Variants in SDHAF3 observed in about 807,000 individuals in gnomAD.
SDHAF3 encodes succinate dehydrogenase assembly factor 3, mitochondrial.
Under a neutral mutation model 11.5 loss-of-function variants are expected in SDHAF3, and 18 were observed. That is an observed-to-expected ratio of 1.56 (90% confidence interval 1.08 to 2.32). The LOEUF (loss-of-function observed/expected upper bound fraction) is 2.32. SDHAF3 is among the 30% of genes most tolerant of loss of function. The pLI, the probability that SDHAF3 is intolerant of heterozygous loss-of-function variation, is 0.00. For missense variants in SDHAF3, 200 were observed against 154.4 expected (o/e 1.30, Z -1.57); for synonymous variants, 72 against 59.3 (o/e 1.21, Z -0.99).
Position 97,119,376 on chromosome 7 carries a change from AGG to A in SDHAF3, c.174+1480_174+1481del, listed in dbSNP as rs1399976552. 3.3e-5 allele frequency among the ~76,000 whole-genome samples: 5 copies of A among 152,176 alleles called. No homozygotes were observed. In the South Asian group the frequency reaches 8.3e-4, roughly 25 times the overall value. On this transcript the variant is annotated intron_variant, in intron 1 of 1. Coordinates refer to ENST00000432641, the MANE Select transcript of SDHAF3 (RefSeq NM_020186.3). Reference sequence around the variant, plus strand: ...TCAGAAAAAATTGATAATAGGTTGTAGGAGAGAGAGAGGGTATAAAAAAGAAC... The same window carrying A: ...TCAGAAAAAATTGATAATAGGTTGTAAGAGAGAGAGGGTATAAAAAAGAAC...
chr7:97,153,455 G>C (rs1029509400), intron 1 of SDHAF3, among the ~76,000 whole-genome samples: 33 of 152,164 alleles, frequency 2.2e-4, no homozygotes, highest in African/African-American at 7.7e-4. Context: ...ACCTACTGAA[G>C]GATATCCTGG....
intron 1 of SDHAF3, among the ~76,000 whole-genome samples, chr7:97,131,843 T>G (rs1206079536): frequency 6.6e-6 from 1 of 152,178 alleles, no homozygotes; most frequent in Non-Finnish European, 1.5e-5. Flanking sequence ...GTTGCATATC[T>G]ATAGTAAAGT....
intron 1 of SDHAF3, among the ~76,000 whole-genome samples, chr7:97,125,174 A>G (rs1314028977): frequency 6.6e-6 from 1 of 152,084 alleles, no homozygotes; most frequent in African/African-American, 2.4e-5. Flanking sequence ...ATCTTTTCAA[A>G]AAAACGGCTC....
chr7:97,121,137 A>T (rs2115610829), intron 1 of SDHAF3, among the ~76,000 whole-genome samples: 1 of 152,330 alleles, frequency 6.6e-6, no homozygotes, highest in East Asian at 1.9e-4. Context: ...AACTCTTAGG[A>T]GGTAACTATT....
chr7:97,167,582 A>T (rs1789530242), intron 1 of SDHAF3, among the ~76,000 whole-genome samples: 2 of 152,228 alleles, frequency 1.3e-5, no homozygotes, highest in South Asian at 2.1e-4. Flanking sequence ...TCGGCTGTAC[A>T]GGAGATTAGT....
rs796470315 is a variant in SDHAF3, at chr7:97,122,505, G to GT, written c.174+4622dup. On this transcript the variant is annotated intron_variant, in intron 1 of 1. Coordinates refer to ENST00000432641, the MANE Select transcript of SDHAF3 (RefSeq NM_020186.3). Reference sequence around the variant, plus strand: ...AAAATGGAGGATATAGATTTATGAGGTTTTTTTTTTTTTTCTTTTAAAGTA... The same window carrying GT: ...AAAATGGAGGATATAGATTTATGAGGTTTTTTTTTTTTTTTCTTTTAAAGTA... Among the ~76,000 whole-genome samples, 1,002 of 143,312 alleles carry GT rather than the reference G, an allele frequency of 7.0e-3. 5 individuals are homozygous for GT. The highest frequency in any genetic ancestry group is 0.015 in the African/African-American group (585 of 39,268). The allele number at this position is 143,312 out of a possible 152,430, so 94.0% of individuals were successfully genotyped here. A position where few individuals can be genotyped will look rare whatever the true frequency, so the allele number is the denominator to read the frequency against.
At chr7:97,119,480 T>C (rs1352360669) in intron 1 of SDHAF3, among the ~76,000 whole-genome samples, 1 of 152,142 alleles carries the variant, frequency 6.6e-6, no homozygotes, top group Non-Finnish European at 1.5e-5. Context: ...TTGGAATAAT[T>C]TTAGACATAC....
At chr7:97,120,317 C>T (rs1049677968) in intron 1 of SDHAF3, among the ~76,000 whole-genome samples, 1 of 152,104 alleles carries the variant, frequency 6.6e-6, no homozygotes, top group Non-Finnish European at 1.5e-5. Flanking sequence ...GCAGCTTAAT[C>T]TAAGCCTGGG....
intron 1 of SDHAF3, among the ~76,000 whole-genome samples, chr7:97,151,562 A>G (rs1157558353): frequency 6.7e-6 from 1 of 149,744 alleles, no homozygotes; most frequent in African/African-American, 2.5e-5. Context: ...GCAGTGGCAC[A>G]ATCTCCGCTC....
chr7:97,154,725 C>G lies in SDHAF3; in HGVS notation c.175-26287C>G, dbSNP rs149694922. On this transcript the variant is annotated intron_variant, in intron 1 of 1. Transcript: ENST00000432641. Reference sequence around the variant, plus strand: ...TACTTCTAGGTCCTGAAGATTTGCTCCTGTTTTGTTTTTTGTTTTTATTTT... The same window carrying G: ...TACTTCTAGGTCCTGAAGATTTGCTGCTGTTTTGTTTTTTGTTTTTATTTT... 1.2e-3 allele frequency among the ~76,000 whole-genome samples: 187 copies of G among 151,948 alleles called. 1 individual carries two copies. Among genetic ancestry groups the G allele is most frequent in the Admixed American group, 3.2e-3 (49 of 15,270 alleles).
At chr7:97,151,567 C>T (rs1249901329) in intron 1 of SDHAF3, among the ~76,000 whole-genome samples, 2 of 150,188 alleles carry the variant, frequency 1.3e-5, no homozygotes, top group African/African-American at 4.9e-5. Flanking sequence ...GGCACAATCT[C>T]CGCTCACTGC....
At chr7:97,138,309 G>GC (rs1788963349) in intron 1 of SDHAF3, among the ~76,000 whole-genome samples, 1 of 151,960 alleles carries the variant, frequency 6.6e-6, no homozygotes. Context: ...ACAGGTGCCT[G>GC]CCACCACACC....
At chr7:97,144,710 CTG>C (rs1789108931) in intron 1 of SDHAF3, among the ~76,000 whole-genome samples, 2 of 152,122 alleles carry the variant, frequency 1.3e-5, no homozygotes, top group South Asian at 4.1e-4. Context: ...GTTTTGGTGA[CTG>C]TGGTCTCACA....
At chr7:97,173,487 A>G (rs1353183977) in intron 1 of SDHAF3, among the ~76,000 whole-genome samples, 3 of 151,728 alleles carry the variant, frequency 2.0e-5, no homozygotes, top group African/African-American at 7.3e-5. Flanking sequence ...TTTCTTAGGT[A>G]TTTTAACGTA....
chr7:97,140,923 A>G (rs866341239), intron 1 of SDHAF3, among the ~76,000 whole-genome samples: 2 of 152,266 alleles, frequency 1.3e-5, no homozygotes, highest in South Asian at 4.1e-4. Flanking sequence ...GCCGGGCGGA[A>G]CAGAGCCATA....
intron 1 of SDHAF3, among the ~76,000 whole-genome samples, chr7:97,134,144 T>A (rs10231916): frequency 0.4 from 61,404 of 152,022 alleles, 12,613 homozygotes; most frequent in East Asian, 0.49. Context: ...GCAAACACGT[T>A]ACTGCAAAAA....
At chr7:97,125,059 G>T (rs1173783595) in intron 1 of SDHAF3, among the ~76,000 whole-genome samples, 1 of 152,118 alleles carries the variant, frequency 6.6e-6, no homozygotes, top group Non-Finnish European at 1.5e-5. Flanking sequence ...GGTCATCATT[G>T]TCTAGTGCTG....
At position 97,181,182 on chromosome 7, in the gene SDHAF3, T is replaced by C; in HGVS notation, c.345T>C (p.Phe115=). 1 of 1,613,906 alleles carries C rather than the reference T, an allele frequency of 6.2e-7. No homozygotes were observed. The highest frequency in any genetic ancestry group is 8.5e-7 in the Non-Finnish European group (1 of 1,179,906). ...MQEATKPNRQ[F]SISESMKPKF is the part of the protein sequence containing the mutation. ...AAGCCACAAAACCCAATAGGCAATT[T>C]AGTATTTCTGAGTCTATGAAACCAA... The change falls in exon 2 of 2, where the codon TTT becomes TTC. Residue 115 remains phenylalanine, a synonymous_variant. Transcript: ENST00000432641.
At chr7:97,122,739 A>C (rs182478641) in intron 1 of SDHAF3, among the ~76,000 whole-genome samples, 9 of 152,242 alleles carry the variant, frequency 5.9e-5, no homozygotes, top group Admixed American at 5.2e-4. Flanking sequence ...TGTTGGTCTG[A>C]TACTCAGGAG....
Sources: gnomAD v4.1 joint callset for allele counts (sites outside exome capture counted in the v4.1 genomes callset) on GRCh38, gnomAD v4.1.1 for gene constraint, MANE v1.5 for transcripts, NCBI Gene and HGNC (gene_info 2026-07-23, HGNC 2026-07-21) for gene names.